LIMS2: variants seen among roughly 807,000 people sequenced by gnomAD.
LIMS2 encodes LIM and senescent cell antigen-like-containing domain protein 2.
LIMS2 carries 30 observed loss-of-function variants against 45.3 expected under a neutral mutation model. The observed-to-expected ratio is 0.66, with a 90% CI of 0.50 to 0.90. The LOEUF (loss-of-function observed/expected upper bound fraction) is 0.90. Ranked by LOEUF, LIMS2 falls within the 40% of genes least tolerant of loss-of-function variation. The pLI is 0.00. For synonymous variants in LIMS2, 173 were observed against 188.0 expected, an observed-to-expected ratio of 0.92 and a Z score of 0.65; for missense variants, 485 against 468.7, an observed-to-expected ratio of 1.03 and a Z score of -0.32.
rs746206534 is a variant in LIMS2 at position 127,651,573 on chromosome 2, C to T, written c.359+2851G>A. ...CCAGCGCATCCTGGCCCTGGCAAAC[C>T]GCATCACCTCCTGCCTCACCAGCCT... On this transcript the variant is annotated intron_variant, in intron 4 of 9. Transcript: ENST00000355119. The T allele has an allele frequency of 1.2e-5, 19 of 1,612,714 alleles. No homozygotes were observed. The highest frequency in any genetic ancestry group is 3.3e-5 in the South Asian group (3 of 91,092).
chr2:127,651,254 G>A (rs1259137879), intron 4 of LIMS2: 7 of 1,606,550 alleles, frequency 4.4e-6, no homozygotes, highest in Non-Finnish European at 5.9e-6. Context: ...CACAGACCGT[G>A]CAGACCAACC....
chr2:127,639,248 G>A lies in LIMS2; in HGVS notation c.*33C>T, dbSNP rs774482235. 1 of 1,608,010 alleles carries A rather than the reference G, an allele frequency of 6.2e-7. No homozygotes were observed. The highest frequency in any genetic ancestry group is 8.5e-7 in the Non-Finnish European group (1 of 1,176,440). ...ATGGACAGCAGGAGGGGAGAAGGCGGAGGGGCCGAGAGGCAGCTGCGCAAG... is the reference window on the plus strand; with the variant it reads ...ATGGACAGCAGGAGGGGAGAAGGCGAAGGGGCCGAGAGGCAGCTGCGCAAG... On this transcript the variant is annotated 3_prime_UTR_variant, in exon 10 of 10. Coordinates refer to ENST00000355119, the MANE Select transcript of LIMS2 (RefSeq NM_001161403.3).
In LIMS2 at chr2:127,642,121, G is replaced by C. The variant is rs770543370; in HGVS notation, c.588C>G (p.Pro196=). The change falls in exon 6 of 10, where the codon CCC becomes CCG. Residue 196 remains proline, a synonymous_variant. Transcript: ENST00000355119. The surrounding 1 kb of genome is among the most constrained non-coding windows in gnomAD (Gnocchi z 5.3). ...CLPCHDKMGV[P]ICGACRRPIE... ...TGGGCCGGCGGCAGGCCCCGCAGATGGGGACGCCCATCTTGTCATGGCAGG... is the reference window on the plus strand; with the variant it reads ...TGGGCCGGCGGCAGGCCCCGCAGATCGGGACGCCCATCTTGTCATGGCAGG... 7 of 1,607,634 alleles carry C rather than the reference G, an allele frequency of 4.4e-6. No homozygotes were observed. Among genetic ancestry groups the C allele is most frequent in the Non-Finnish European group, 5.9e-6 (7 of 1,176,986 alleles).
chr2:127,657,346 G>T, intron 2 of LIMS2, 57 bp downstream of exon 2: 1 of 1,603,002 alleles, frequency 6.2e-7, no homozygotes, highest in South Asian at 1.1e-5. Flanking sequence ...CGGCCCACCC[G>T]CTCATAGAGG....
At position 127,639,198 on chromosome 2, in the gene LIMS2, G is replaced by C. The variant is rs1682133702; in HGVS notation, c.*83C>G. The C allele has an allele frequency of 4.8e-6, 7 of 1,460,222 alleles. No homozygotes were observed. Among genetic ancestry groups the C allele is most frequent in the Admixed American group, 3.6e-5 (2 of 54,908 alleles). 90.5% of individuals were successfully genotyped at this position (1,460,222 alleles called of 1,614,324 possible). On this transcript the variant is annotated 3_prime_UTR_variant, in exon 10 of 10. Coordinates refer to ENST00000355119, the MANE Select transcript of LIMS2 (RefSeq NM_001161403.3). ...GGAGGGTAAGATGCGGAGGGCACAG[G>C]TGGATGGGGACGAGGGGGCCAAGCA... is the stretch of plus-strand genomic sequence containing the variant.
intron 1 of LIMS2, among the ~76,000 whole-genome samples, chr2:127,660,893 C>G (rs1304080361): frequency 7.3e-6 from 1 of 136,828 alleles, no homozygotes; most frequent in East Asian, 2.1e-4. Flanking sequence ...TGCCTGTGGC[C>G]GACAGTATCG....
At chr2:127,676,914 A>G (rs1421401911), upstream of LIMS2, among the ~76,000 whole-genome samples, 1 of 152,210 alleles carries the variant, frequency 6.6e-6, no homozygotes, top group Non-Finnish European at 1.5e-5. Context: ...ATTACACCAG[A>G]GGCCCATGCT....
chr2:127,676,685 C>A (rs1340652404), upstream of LIMS2, among the ~76,000 whole-genome samples: 2 of 152,094 alleles, frequency 1.3e-5, no homozygotes, highest in Non-Finnish European at 2.9e-5. Flanking sequence ...TTGTTGCGAG[C>A]GTGTCTCAGC....
chr2:127,648,955 G>A (rs1350942237), intron 4 of LIMS2, among the ~76,000 whole-genome samples: 12 of 38,074 alleles, frequency 3.2e-4, no homozygotes, highest in Non-Finnish European at 6.3e-4. Context: ...GGGAGGGGAG[G>A]GGAGGGGAGG....
intron 3 of LIMS2, 123 bp from the exon 4 acceptor site, chr2:127,654,667 G>A (rs1273731311): frequency 6.6e-7 from 1 of 1,523,116 alleles, no homozygotes; most frequent in Non-Finnish European, 9.0e-7. Flanking sequence ...TCCCTCGTGG[G>A]ATGGTGATGC....
chr2:127,678,640 G>A (rs773601453), upstream of LIMS2, among the ~76,000 whole-genome samples: 4 of 152,186 alleles, frequency 2.6e-5, no homozygotes, highest in East Asian at 1.9e-4. This position sits in a 1 kb window ranked among gnomAD's most constrained non-coding sequence, Gnocchi z 5.3. Flanking sequence ...GTGTGTGGCC[G>A]GCGTGGGCGT....
chr2:127,648,446 C>T (rs548924505), intron 4 of LIMS2, among the ~76,000 whole-genome samples: 5 of 152,236 alleles, frequency 3.3e-5, no homozygotes, highest in East Asian at 1.9e-4. Context: ...AGGAAGGGTG[C>T]GGCCCACCCT....
rs1684878895 is a variant in LIMS2 at position 127,664,372 on chromosome 2, C to A, written c.12-6810G>T. ...GTACAGCCCCGACGCGGCCAGCGCA[C>A]CCAGCCGGGCCGCCATGGCGCGGGG... On this transcript the variant is annotated intron_variant, in intron 1 of 9. Transcript: ENST00000355119. The surrounding 1 kb of genome is among the most constrained non-coding windows in gnomAD (Gnocchi z 5.5). The A allele has an allele frequency of 1.6e-6, 2 of 1,213,452 alleles. No homozygotes were observed. Among genetic ancestry groups the A allele is most frequent in the Non-Finnish European group, 1.0e-6 (1 of 976,226 alleles). 75.2% of individuals were successfully genotyped at this position (1,213,452 alleles called of 1,614,324 possible).
chr2:127,679,596 C>T (rs779120332), upstream of LIMS2, among the ~76,000 whole-genome samples: 4 of 151,628 alleles, frequency 2.6e-5, no homozygotes, highest in Admixed American at 6.6e-5. This position sits in a 1 kb window ranked among gnomAD's most constrained non-coding sequence, Gnocchi z 5.3. Context: ...GGCAGGTACC[C>T]GAGTTTCTCC....
upstream of LIMS2, among the ~76,000 whole-genome samples, chr2:127,675,747 C>T (rs974810634): frequency 7.9e-5 from 12 of 152,144 alleles, no homozygotes; most frequent in South Asian, 1.7e-3. Context: ...GAGTTCCCAC[C>T]GCGGATCTGG....
At chr2:127,644,546 C>T (rs530411254) in intron 4 of LIMS2, among the ~76,000 whole-genome samples, 2 of 152,336 alleles carry the variant, frequency 1.3e-5, no homozygotes, top group East Asian at 3.9e-4. Flanking sequence ...CCCTGCGGTG[C>T]CTCTGTCCCA....
chr2:127,677,806 C>T (rs1685535840), upstream of LIMS2, among the ~76,000 whole-genome samples: 1 of 152,146 alleles, frequency 6.6e-6, no homozygotes, highest in Non-Finnish European at 1.5e-5. The surrounding 1 kb of genome is among the most constrained non-coding windows in gnomAD (Gnocchi z 5.0). Context: ...GAATAGGCAA[C>T]ATTTGTCTGT....
chr2:127,668,835 C>T (rs943135003), intron 1 of LIMS2, among the ~76,000 whole-genome samples: 6 of 151,978 alleles, frequency 3.9e-5, no homozygotes, highest in Admixed American at 2.0e-4. Context: ...TGCAGTGGCT[C>T]ACGCCTATAA....
In LIMS2 at chr2:127,664,134, G is replaced by C. The variant is rs1413445108; in HGVS notation, c.12-6572C>G. On this transcript the variant is annotated intron_variant, in intron 1 of 9. Coordinates refer to ENST00000355119, the MANE Select transcript of LIMS2 (RefSeq NM_001161403.3). This position sits in a 1 kb window ranked among gnomAD's most constrained non-coding sequence, Gnocchi z 5.5. ...CTGATCACAGGTGACATCCAACCCTGTTAGATAAAGTCGCACGCGCCCACC... is the reference window on the plus strand; with the variant it reads ...CTGATCACAGGTGACATCCAACCCTCTTAGATAAAGTCGCACGCGCCCACC... Among the ~76,000 whole-genome samples the C allele has an allele frequency of 6.6e-6, 1 of 151,772 alleles. No individual in the cohort carries two copies. The highest frequency in any genetic ancestry group is 1.5e-5 in the Non-Finnish European group (1 of 67,944).
Sources: gnomAD v4.1 joint callset for allele counts (sites outside exome capture counted in the v4.1 genomes callset) on GRCh38, gnomAD v4.1.1 for gene constraint, Gnocchi (gnomAD v3.1) non-coding constraint, MANE v1.5 for transcripts, NCBI Gene and HGNC (gene_info 2026-07-23, HGNC 2026-07-21) for gene names.